MYCBPAP: variants seen among roughly 807,000 people sequenced by gnomAD.
MYCBPAP encodes MYCBP-associated protein.
Under a neutral mutation model 106.1 loss-of-function variants are expected in MYCBPAP, and 60 were observed. The ratio of observed to expected loss-of-function variants is 0.57; its 90% CI spans 0.46 to 0.70. The LOEUF (loss-of-function observed/expected upper bound fraction) is 0.70. MYCBPAP is among the 30% of genes least tolerant of loss of function. The pLI is 0.00. For synonymous variants in MYCBPAP, 407 were observed against 440.6 expected, an observed-to-expected ratio of 0.92 and a Z score of 0.95; for missense variants, 1,064 against 1,169.3, an observed-to-expected ratio of 0.91 and a Z score of 1.31.
chr17:50,518,170 C>A (rs956607467), intron 4 of MYCBPAP, among the ~76,000 whole-genome samples: 1 of 152,258 alleles, frequency 6.6e-6, no homozygotes, highest in Non-Finnish European at 1.5e-5. Context: ...CTGTCTCTTC[C>A]CCTTGCTTCC....
intron 6 of MYCBPAP, chr17:50,519,417 A>AGGG: frequency 1.6e-6 from 1 of 612,114 alleles, no homozygotes; most frequent in Non-Finnish European, 2.9e-6. Flanking sequence ...AGACCAGTGC[A>AGGG]GTACCTGTAC....
Position 50,523,505 on chromosome 17 carries a change from CT to C in MYCBPAP, c.1448-91del, listed in dbSNP as rs149104036. The C allele has an allele frequency of 1.1e-3, 1,435 of 1,364,626 alleles. 13 individuals carry two copies. The African/African-American group carries it at 0.017, about 17-fold the overall frequency. The allele number at this position is 1,364,626 out of a possible 1,614,324, so 84.5% of individuals were successfully genotyped here. A position where few individuals can be genotyped will look rare whatever the true frequency, so the allele number is the denominator to read the frequency against. On this transcript the variant is annotated intron_variant, in intron 11 of 18. Transcript: ENST00000323776. The stretch of plus-strand genomic sequence containing the variant: ...TGGGATGGTTGGCCAGCCACCTGGC[CT>C]GGGACTCAGTTAACTGCATGTAGGA...
At chr17:50,508,436 C>A, upstream of MYCBPAP, 1 of 1,080,384 alleles carries the variant, frequency 9.3e-7, no homozygotes. Context: ...AGGCCGGGCC[C>A]GCAGGGCTTT....
At position 50,508,521 on chromosome 17, in the gene MYCBPAP, C is replaced by T. The variant is rs757601590; in HGVS notation, c.-154C>T. On this transcript the variant is annotated 5_prime_UTR_variant, in exon 1 of 19. Coordinates refer to ENST00000323776, the MANE Select transcript of MYCBPAP (RefSeq NM_032133.6). ...CCGATGAAGAAGGAGGTTTCCAAGC[C>T]GTCTCCGCCCAAGTTGATCGGTGGA... The T allele has an allele frequency of 2.0e-6, 3 of 1,533,374 alleles. No homozygotes were observed. Among genetic ancestry groups the T allele is most frequent in the Admixed American group, 2.2e-5 (1 of 45,258 alleles). 95.0% of individuals were successfully genotyped at this position (1,533,374 alleles called of 1,614,324 possible).
At chr17:50,515,912 A>G (rs1422024526) in intron 1 of MYCBPAP, 1 of 152,328 alleles carries the variant, frequency 6.6e-6, no homozygotes, top group African/African-American at 2.4e-5. Flanking sequence ...GGCCCAAGCA[A>G]TCCTCCTGCC....
intron 18 of MYCBPAP, 89 bp from the exon 19 acceptor site, chr17:50,531,238 C>A: frequency 2.7e-6 from 2 of 746,588 alleles, no homozygotes; most frequent in East Asian, 3.2e-5. Flanking sequence ...GTTTCTTTCC[C>A]CTCTCCAGCT....
At chr17:50,523,492 C>A in intron 11 of MYCBPAP, 105 bp from the exon 12 acceptor site, 2 of 1,233,108 alleles carry the variant, frequency 1.6e-6, no homozygotes, top group Non-Finnish European at 2.3e-6. Flanking sequence ...GGATGGTTGG[C>A]CAGCCACCTG....
intron 11 of MYCBPAP, 102 bp downstream of exon 11, chr17:50,523,230 G>T: frequency 8.3e-7 from 1 of 1,199,206 alleles, no homozygotes. Flanking sequence ...CTGTAAGTTT[G>T]AGCCCTGCTT....
chr17:50,523,349 C>T (rs1193334188), intron 11 of MYCBPAP, among the ~76,000 whole-genome samples: 2 of 152,174 alleles, frequency 1.3e-5, no homozygotes, highest in Non-Finnish European at 2.9e-5. Flanking sequence ...CACCAGGGAG[C>T]AGAAGCGTTC....
intron 1 of MYCBPAP, among the ~76,000 whole-genome samples, chr17:50,511,731 C>T (rs1201022337): frequency 6.6e-6 from 1 of 152,162 alleles, no homozygotes; most frequent in Non-Finnish European, 1.5e-5. Flanking sequence ...GCCCTATCAG[C>T]TTGGGATTCC....
At chr17:50,510,866 C>T (rs1163813178) in intron 1 of MYCBPAP, among the ~76,000 whole-genome samples, 1 of 151,784 alleles carries the variant, frequency 6.6e-6, no homozygotes, top group Non-Finnish European at 1.5e-5. Flanking sequence ...TATCTGGTCT[C>T]CTTTCACAAG....
At position 50,508,533 on chromosome 17, in the gene MYCBPAP, A is replaced by G. The variant is rs1475442948; in HGVS notation, c.-142A>G. 1 of 1,538,214 alleles carries G rather than the reference A, an allele frequency of 6.5e-7. No homozygotes were observed. Among genetic ancestry groups the G allele is most frequent in the Admixed American group, 2.1e-5 (1 of 46,556 alleles). Reference sequence around the variant, plus strand: ...GAGGTTTCCAAGCCGTCTCCGCCCAAGTTGATCGGTGGATGCGCGCCCCCG... The same window carrying G: ...GAGGTTTCCAAGCCGTCTCCGCCCAGGTTGATCGGTGGATGCGCGCCCCCG... On this transcript the variant is annotated 5_prime_UTR_variant, in exon 1 of 19. Transcript: ENST00000323776.
chr17:50,514,479 C>T (rs1442730406), intron 1 of MYCBPAP, among the ~76,000 whole-genome samples: 1 of 152,112 alleles, frequency 6.6e-6, no homozygotes, highest in Non-Finnish European at 1.5e-5. Flanking sequence ...CAGGGTTGAC[C>T]AGCCAGAGAA....
chr17:50,515,225 C>A (rs1234368555), intron 1 of MYCBPAP, among the ~76,000 whole-genome samples: 1 of 151,968 alleles, frequency 6.6e-6, no homozygotes, highest in East Asian at 1.9e-4. Context: ...ACCTCCCACG[C>A]CCGCCGACTC....
In MYCBPAP at chr17:50,518,981, A is replaced by G. The variant is rs138012581; in HGVS notation, c.660A>G (p.Leu220=). 918 of 1,613,790 alleles carry G rather than the reference A, an allele frequency of 5.7e-4. 4 individuals carry two copies. In the African/African-American group the frequency reaches 9.1e-3, roughly 16 times the overall value. ...TCTTGCCTCTCTCTCTAGAACACCT[A>G]AAGAAGCCAGTGAGTGAGCTGCTCA... ...KKQQEALSEH[L]KKPVSELLMH... The change falls in exon 6 of 19, where the codon CTA becomes CTG. Residue 220 remains leucine, a synonymous_variant. Transcript: ENST00000323776.
rs149996796 is a variant in MYCBPAP at position 50,525,961 on chromosome 17, G to C, written c.1863G>C (p.Glu621Asp). 1.9e-6 allele frequency: 3 copies of C among 1,613,792 alleles called. No individual in the cohort carries two copies. In the Admixed American group the frequency reaches 5.0e-5, roughly 27 times the overall value. Residue 621 changes from glutamate (E) to aspartate (D), a missense_variant, in exon 14 of 19, where the codon GAG (glutamate) becomes GAC (aspartate). Physicochemically the swap from Glu to Asp is conservative, Grantham distance 45. Coordinates refer to ENST00000323776, the MANE Select transcript of MYCBPAP (RefSeq NM_032133.6). ...TGACCCTGCCCGCCAAGGCTGAGGA[G>C]GCCAGGCCAGGGGACAAGGAGCACG... ...QYMTLPAKAE[E>D]ARPGDKEHVS... is the part of the protein sequence containing the mutation.
At chr17:50,521,780 CTG>C (rs2034269213) in intron 9 of MYCBPAP, among the ~76,000 whole-genome samples, 191 bp from the exon 10 acceptor site, 1 of 152,162 alleles carries the variant, frequency 6.6e-6, no homozygotes, top group African/African-American at 2.4e-5. Context: ...CTTAAAGAGT[CTG>C]TGTGTTTCTA....
intron 1 of MYCBPAP, chr17:50,510,499 G>GTACATA (rs2033799444): frequency 1.3e-5 from 1 of 76,414 alleles, no homozygotes; most frequent in Non-Finnish European, 2.6e-5. Flanking sequence ...GTGTGTGTGT[G>GTACATA]TATATATATA....
At chr17:50,527,530 C>A (rs2143994490) in intron 15 of MYCBPAP, 122 bp downstream of exon 15, 1 of 1,322,766 alleles carries the variant, frequency 7.6e-7, no homozygotes, top group Non-Finnish European at 1.0e-6. Context: ...GTTGCTAGAG[C>A]ATGCCGCAAA....
Sources: allele counts gnomAD v4.1 joint callset (sites outside exome capture counted in the v4.1 genomes callset), GRCh38; gene constraint gnomAD v4.1.1; transcripts MANE v1.5; gene names NCBI Gene and HGNC (gene_info 2026-07-23, HGNC 2026-07-21).